Variants in HEATR4 observed in about 807,000 individuals in gnomAD.
The protein encoded by HEATR4 is HEAT repeat-containing protein 4.
Under a neutral mutation model 108.8 loss-of-function variants are expected in HEATR4, and 95 were observed. The ratio of observed to expected loss-of-function variants is 0.87; its 90% CI spans 0.74 to 1.04. HEATR4 has a LOEUF of 1.04. Among genes scored for constraint, HEATR4 ranks in the 50% least tolerant of loss-of-function variants. The pLI, the probability that HEATR4 is intolerant of heterozygous loss-of-function variation, is 0.00. For missense variants in HEATR4, 1,152 were observed against 1,253.8 expected (o/e 0.92, Z 1.23); for synonymous variants, 443 against 459.4 (o/e 0.96, Z 0.46).
the HEATR4 span, among the ~76,000 whole-genome samples, chr14:73,626,402 A>G: frequency 7.9e-5 from 12 of 152,242 alleles, no homozygotes; most frequent in African/African-American, 1.2e-4. Context: ...CTAAAGCCCA[A>G]TCCAGAGCAA....
At chr14:73,610,073 C>T in the HEATR4 span, among the ~76,000 whole-genome samples, 1 of 151,666 alleles carries the variant, frequency 6.6e-6, no homozygotes, top group Non-Finnish European at 1.5e-5. Context: ...GGTAGAGGAT[C>T]TGGAAGCAGG....
chr14:73,511,548 TAAATAAATAAATAAATA>T lies in HEATR4; in HGVS notation c.1558+441_1558+457del, dbSNP rs761423403. ...ATAAATAAATAAATAAATAAATAAA[TAAATAAATAAATAAATA>T]AAATAAAATAAAAAAGAATGGGCTC... On this transcript the variant is annotated intron_variant, in intron 7 of 17. Transcript: ENST00000553558. Among the ~76,000 whole-genome samples, 339 of 128,906 alleles carry T rather than the reference TAAATAAATAAATAAATA, an allele frequency of 2.6e-3. 1 individual carries two copies. Among genetic ancestry groups the T allele is most frequent in the South Asian group, 4.1e-3 (18 of 4,444 alleles). The allele number at this position is 128,906 out of a possible 152,430, so 84.6% of individuals were successfully genotyped here.
chr14:73,507,933 T>G (rs1035032677), intron 9 of HEATR4, among the ~76,000 whole-genome samples: 2 of 152,104 alleles, frequency 1.3e-5, no homozygotes, highest in Non-Finnish European at 2.9e-5. Context: ...TTAGTAGAGA[T>G]GAGGTTTCAC....
chr14:73,596,762 C>T, the HEATR4 span, among the ~76,000 whole-genome samples: 1 of 152,060 alleles, frequency 6.6e-6, no homozygotes, highest in African/African-American at 2.4e-5. Flanking sequence ...CCATGCCCGG[C>T]TAATTTTTGT....
At chr14:73,526,694 A>C (rs1888360979) in intron 2 of HEATR4, among the ~76,000 whole-genome samples, 1 of 152,236 alleles carries the variant, frequency 6.6e-6, no homozygotes, top group Admixed American at 6.5e-5. Context: ...CTGCGCCAGA[A>C]GGGAATCCAC....
At chr14:73,527,775 C>T (rs61530966) in intron 2 of HEATR4, among the ~76,000 whole-genome samples, 12,963 of 151,130 alleles carry the variant, frequency 0.086, 706 homozygotes, top group African/African-American at 0.15. Context: ...ATCAGGGGTT[C>T]GAGACCAGCC....
the HEATR4 span, chr14:73,573,530 G>A: frequency 6.2e-7 from 1 of 1,613,686 alleles, no homozygotes; most frequent in Non-Finnish European, 8.5e-7. Flanking sequence ...CCAAGACCAT[G>A]GAGACGCTCC....
At position 73,508,146 on chromosome 14, in the gene HEATR4, C is replaced by G; in HGVS notation, c.1869G>C (p.Leu623=). The G allele has an allele frequency of 1.2e-6, 2 of 1,614,084 alleles. No individual in the cohort carries two copies. Among genetic ancestry groups the G allele is most frequent in the Non-Finnish European group, 8.5e-7 (1 of 1,179,938 alleles). ...EEQSYILLSY[L]SEKTTLIHTM... ...AATGGACACATACTGTCTTCTCACT[C>G]AGATAGCTCAGGAGGATATAAGACT... is the stretch of plus-strand genomic sequence containing the variant. The change falls in exon 9 of 18, where the codon CTG becomes CTC. Residue 623 remains leucine (L), a synonymous_variant. Coordinates refer to ENST00000553558, the MANE Select transcript of HEATR4 (RefSeq NM_001220484.1).
the HEATR4 span, among the ~76,000 whole-genome samples, chr14:73,621,246 G>A: frequency 1.8e-3 from 274 of 152,114 alleles, 2 homozygotes; most frequent in African/African-American, 5.7e-3. Context: ...CCAGTCTGAA[G>A]ACCAGGAGCA....
At chr14:73,604,766 C>T in the HEATR4 span, among the ~76,000 whole-genome samples, 4 of 152,134 alleles carry the variant, frequency 2.6e-5, no homozygotes, top group Admixed American at 6.6e-5. Flanking sequence ...GGATTACAGG[C>T]GAGAGCCACC....
chr14:73,503,065 G>A, intron 10 of HEATR4, 52 bp from the exon 11 acceptor site: 1 of 1,394,914 alleles, frequency 7.2e-7, no homozygotes. Flanking sequence ...TGTTAATTTT[G>A]TGCTTGGCGT....
At chr14:73,612,551 C>G in the HEATR4 span, 1 of 1,321,014 alleles carries the variant, frequency 7.6e-7, no homozygotes, top group Non-Finnish European at 9.8e-7. Flanking sequence ...GCTGGGTCGC[C>G]CCTGTTCTAC....
chr14:73,584,288 A>G, the HEATR4 span, among the ~76,000 whole-genome samples: 1 of 151,342 alleles, frequency 6.6e-6, no homozygotes, highest in Non-Finnish European at 1.5e-5. Flanking sequence ...TTCATGTCCT[A>G]AAGACTTTTT....
At chr14:73,586,702 GAA>G in the HEATR4 span, among the ~76,000 whole-genome samples, 18,545 of 122,892 alleles carry the variant, frequency 0.15, 2,811 homozygotes, top group African/African-American at 0.4. Flanking sequence ...GACTCTGTCT[GAA>G]AAAAAAAAAA....
Position 73,512,022 on chromosome 14 carries a change from G to C in HEATR4, c.1542C>G (p.Thr514=). ...GGCTCTCACCTGAGTCTCTCTGGCT[G>C]GTGGCAATCCGGGGCCGTTCCAAAG... ...TAALERPRIA[T]SQRDSDKTIQ... The change falls in exon 7 of 18, where the codon ACC becomes ACG. Residue 514 remains threonine, a synonymous_variant. Transcript: ENST00000553558. The C allele has an allele frequency of 6.2e-7, 1 of 1,613,974 alleles. No individual in the cohort carries two copies. The highest frequency in any genetic ancestry group is 2.2e-5 in the East Asian group (1 of 44,884).
upstream of HEATR4, among the ~76,000 whole-genome samples, chr14:73,562,416 A>T (rs1889543253): frequency 6.6e-6 from 1 of 152,110 alleles, no homozygotes; most frequent in Non-Finnish European, 1.5e-5. Context: ...AATTGATTGT[A>T]AAACATGTGT....
chr14:73,568,565 C>CAA, the HEATR4 span, among the ~76,000 whole-genome samples: 4 of 143,326 alleles, frequency 2.8e-5, no homozygotes, highest in South Asian at 2.2e-4. Context: ...CCCTGTCTCT[C>CAA]AAAAAAAAAA....
the HEATR4 span, among the ~76,000 whole-genome samples, chr14:73,600,953 C>T: frequency 1.3e-5 from 2 of 151,616 alleles, no homozygotes; most frequent in African/African-American, 4.8e-5. Flanking sequence ...CCAGCCCGGC[C>T]AACATGGCGA....
upstream of HEATR4, among the ~76,000 whole-genome samples, chr14:73,560,518 C>T (rs1240673557): frequency 6.6e-6 from 1 of 151,792 alleles, no homozygotes; most frequent in African/African-American, 2.4e-5. Flanking sequence ...AAAAAATTAG[C>T]CAGGCGTGGT....
Sources: gnomAD v4.1 joint callset for allele counts (sites outside exome capture counted in the v4.1 genomes callset) on GRCh38, gnomAD v4.1.1 for gene constraint, MANE v1.5 for transcripts, NCBI Gene and HGNC (gene_info 2026-07-23, HGNC 2026-07-21) for gene names.